The following CEP128 variants were observed in gnomAD, a reference collection of about 807,000 sequenced individuals.
The protein encoded by CEP128 is centrosomal protein 128, also known as centrosomal protein 128kDa.
Under a neutral mutation model 156.7 loss-of-function variants are expected in CEP128, and 132 were observed. The observed-to-expected ratio is 0.84, with a 90% CI of 0.73 to 0.97. The LOEUF (loss-of-function observed/expected upper bound fraction) is 0.97. Ranked by LOEUF, CEP128 falls within the 50% of genes least tolerant of loss-of-function variation. CEP128 has a pLI of 0.00. For missense variants in CEP128, 1,252 were observed against 1,281.9 expected (o/e 0.98, Z 0.36); for synonymous variants, 469 against 448.9 (o/e 1.04, Z -0.57).
intron 14 of CEP128, among the ~76,000 whole-genome samples, chr14:80,792,451 T>C (rs973473448): frequency 7.9e-5 from 12 of 152,222 alleles, no homozygotes; most frequent in Non-Finnish European, 1.6e-4. Flanking sequence ...TCATTTTTTT[T>C]CCATTGGAAT....
At chr14:80,809,793 G>T (rs1376532237) in intron 13 of CEP128, among the ~76,000 whole-genome samples, 1 of 151,966 alleles carries the variant, frequency 6.6e-6, no homozygotes, top group East Asian at 1.9e-4. Context: ...TCACAGACAA[G>T]CCAAACCTAG....
intron 21 of CEP128, among the ~76,000 whole-genome samples, chr14:80,554,325 A>T (rs1439140878): frequency 6.6e-6 from 1 of 152,152 alleles, no homozygotes; most frequent in East Asian, 1.9e-4. Flanking sequence ...TAAGGGTCTA[A>T]ATTCCCTTAC....
chr14:80,892,317 G>A (rs1208801383), intron 8 of CEP128, among the ~76,000 whole-genome samples: 1 of 151,812 alleles, frequency 6.6e-6, no homozygotes, highest in Non-Finnish European at 1.5e-5. Context: ...GGAAAGAAGA[G>A]TCTCTTCAAT....
chr14:80,905,570 C>T, intron 5 of CEP128: 1 of 168,010 alleles, frequency 6.0e-6, no homozygotes, highest in Non-Finnish European at 1.3e-5. Flanking sequence ...CTAAAATTCA[C>T]CTGGTCTTAA....
intron 2 of CEP128, among the ~76,000 whole-genome samples, chr14:80,928,455 C>T (rs1397098580): frequency 1.3e-5 from 2 of 151,998 alleles, no homozygotes; most frequent in African/African-American, 4.8e-5. Context: ...GAAAAACAAA[C>T]CAGAACTTTT....
In CEP128 at chr14:80,793,083, C is replaced by A; in HGVS notation, c.1237G>T (p.Glu413Ter). 1 of 1,612,624 alleles carries A rather than the reference C, an allele frequency of 6.2e-7. No individual in the cohort carries two copies. Among genetic ancestry groups the A allele is most frequent in the East Asian group, 2.2e-5 (1 of 44,836 alleles). ...TCCAACATCTGCAGTTGCTGTTTTT[C>A]CCCATTCTCCAGTTCACGTGTTAAA... ...ENLTRELENG[E>*]KQQLQMLDRL... Residue 413 changes from glutamate to a stop codon, truncating the protein, a stop_gained, in exon 14 of 25, where the codon GAA (glutamate) becomes TAA (stop). Coordinates refer to ENST00000555265, the MANE Select transcript of CEP128 (RefSeq NM_152446.5). LOFTEE classifies it high-confidence loss of function.
intron 8 of CEP128, among the ~76,000 whole-genome samples, chr14:80,886,056 A>G (rs928649362): frequency 3.3e-5 from 5 of 152,072 alleles, no homozygotes; most frequent in Non-Finnish European, 7.4e-5. Flanking sequence ...TAAATAAAAT[A>G]AAGCATGAAG....
At chr14:80,715,260 A>G (rs531352602) in intron 19 of CEP128, among the ~76,000 whole-genome samples, 13 of 152,278 alleles carry the variant, frequency 8.5e-5, no homozygotes, top group African/African-American at 3.1e-4. Flanking sequence ...TCTGAAAAAC[A>G]TGAAATTGTG....
At chr14:80,527,285 T>C (rs1401999016) in intron 22 of CEP128, 1 of 462,858 alleles carries the variant, frequency 2.2e-6, no homozygotes, top group African/African-American at 2.0e-5. Context: ...CAAAAACTAG[T>C]CAGATATGGT....
At chr14:80,836,064 G>A (rs1886058162) in intron 12 of CEP128, 141 bp downstream of exon 12, 2 of 810,596 alleles carry the variant, frequency 2.5e-6, no homozygotes, top group Admixed American at 2.5e-5. Context: ...CAACTTATCA[G>A]AAAATGTTTA....
chr14:80,809,469 T>C (rs1024984955), intron 13 of CEP128, among the ~76,000 whole-genome samples: 1 of 152,094 alleles, frequency 6.6e-6, no homozygotes, highest in Non-Finnish European at 1.5e-5. Flanking sequence ...TAAAAACTTC[T>C]CAAGTCTTGA....
At chr14:80,625,174 C>T (rs544139368) in intron 19 of CEP128, among the ~76,000 whole-genome samples, 1 of 152,206 alleles carries the variant, frequency 6.6e-6, no homozygotes, top group Non-Finnish European at 1.5e-5. Context: ...TCTTTATTAA[C>T]GAGGCACTTT....
chr14:80,931,155 A>G (rs1036202201), intron 2 of CEP128, among the ~76,000 whole-genome samples: 1 of 152,236 alleles, frequency 6.6e-6, no homozygotes, highest in Non-Finnish European at 1.5e-5. Context: ...TTTGTTGCCA[A>G]CCAACACCAC....
chr14:80,763,344 A>G lies in CEP128; in HGVS notation c.2377-1731T>C, dbSNP rs1179204032. 3.3e-5 allele frequency among the ~76,000 whole-genome samples: 5 copies of G among 152,246 alleles called. No individual in the cohort carries two copies. In the East Asian group the frequency reaches 9.7e-4, roughly 29 times the overall value. ...CCAAACTCTCCCTACCAATTAATAC[A>G]TCATTTCTTTAGATTGATTAATATT... On this transcript the variant is annotated intron_variant, in intron 16 of 24. Coordinates refer to ENST00000555265, the MANE Select transcript of CEP128 (RefSeq NM_152446.5).
At chr14:80,647,091 C>G (rs1344825448) in intron 19 of CEP128, among the ~76,000 whole-genome samples, 1 of 46,720 alleles carries the variant, frequency 2.1e-5, no homozygotes, top group African/African-American at 8.1e-5. Context: ...ATATATACAC[C>G]CTTATAAATA....
At chr14:80,679,049 TATA>T (rs1234317176) in intron 19 of CEP128, among the ~76,000 whole-genome samples, 2 of 152,190 alleles carry the variant, frequency 1.3e-5, no homozygotes. Flanking sequence ...ATAATACTCT[TATA>T]ATTTCTTACA....
At chr14:80,871,643 T>C (rs897883368) in intron 8 of CEP128, among the ~76,000 whole-genome samples, 2 of 152,124 alleles carry the variant, frequency 1.3e-5, no homozygotes, top group African/African-American at 4.8e-5. Flanking sequence ...AAAGAAAGTA[T>C]ATTTTAGAAC....
intron 20 of CEP128, among the ~76,000 whole-genome samples, chr14:80,579,133 G>T (rs1017613866): frequency 3.3e-5 from 5 of 152,174 alleles, no homozygotes; most frequent in Admixed American, 6.5e-5. Flanking sequence ...CAATAAGTAT[G>T]TTTATATATG....
chr14:80,584,277 G>A (rs935852877), intron 19 of CEP128, among the ~76,000 whole-genome samples: 2 of 151,204 alleles, frequency 1.3e-5, no homozygotes, highest in Non-Finnish European at 2.9e-5. Flanking sequence ...CTCCTCAGTA[G>A]CTGGATTACA....
Sources: allele counts gnomAD v4.1 joint callset (sites outside exome capture counted in the v4.1 genomes callset), GRCh38; gene constraint gnomAD v4.1.1; transcripts MANE v1.5; gene names NCBI Gene and HGNC (gene_info 2026-07-23, HGNC 2026-07-21).